Variants in FHIT observed in about 807,000 individuals in gnomAD.
FHIT encodes the protein fragile histidine triad diadenosine triphosphatase.
FHIT carries 19 observed loss-of-function variants against 17.9 expected under a neutral mutation model. The ratio of observed to expected loss-of-function variants is 1.06; its 90% CI spans 0.74 to 1.56. The LOEUF is 1.56. Among genes scored for constraint, FHIT ranks in the 40% most tolerant of loss-of-function variants. The pLI is 0.00. For missense variants in FHIT, 248 were observed against 189.2 expected (o/e 1.31, Z -1.82); for synonymous variants, 81 against 69.7 (o/e 1.16, Z -0.81).
chr3:60,713,049 T>C (rs1401297585), intron 4 of FHIT, among the ~76,000 whole-genome samples: 1 of 151,714 alleles, frequency 6.6e-6, no homozygotes, highest in Non-Finnish European at 1.5e-5. Context: ...TCAACAAACG[T>C]AAAAGAAGAG....
intron 1 of FHIT, among the ~76,000 whole-genome samples, chr3:61,209,525 A>C (rs1560076869): frequency 6.6e-6 from 1 of 151,196 alleles, no homozygotes. Flanking sequence ...TCTTTTTATT[A>C]TTTTTTTTCT....
chr3:59,893,403 T>C (rs1349541919), intron 8 of FHIT, among the ~76,000 whole-genome samples: 3 of 152,178 alleles, frequency 2.0e-5, no homozygotes, highest in Non-Finnish European at 4.4e-5. Context: ...GAAAAGAATA[T>C]AACATGAACT....
At chr3:60,145,072 C>G (rs148455114) in intron 5 of FHIT, among the ~76,000 whole-genome samples, 1 of 152,130 alleles carries the variant, frequency 6.6e-6, no homozygotes. Flanking sequence ...TGACCTAAAT[C>G]CCTCAGTATT....
At chr3:59,848,735 T>A (rs909967048) in intron 8 of FHIT, among the ~76,000 whole-genome samples, 2 of 152,200 alleles carry the variant, frequency 1.3e-5, no homozygotes, top group Admixed American at 1.3e-4. Flanking sequence ...ACTTAGATTG[T>A]CTGAGGAACC....
rs371497533 is a variant in FHIT at position 60,639,580 on chromosome 3, A to C, written c.-17-102601T>G. On this transcript the variant is annotated intron_variant, in intron 4 of 9. Transcript: ENST00000492590. ...AACTAGAAATAGACCACAGAATTTG[A>C]AAAATATCATTTCTGGATTAAATCA... 1.9e-4 allele frequency among the ~76,000 whole-genome samples: 29 copies of C among 152,278 alleles called. No individual in the cohort carries two copies. The South Asian group carries it at 4.8e-3, about 25-fold the overall frequency.
At chr3:60,943,118 G>C (rs1708490076) in intron 3 of FHIT, among the ~76,000 whole-genome samples, 1 of 152,152 alleles carries the variant, frequency 6.6e-6, no homozygotes, top group East Asian at 1.9e-4. Context: ...ATTTGTCCAA[G>C]CTAACCGGTT....
chr3:59,934,971 T>A (rs11719244), intron 7 of FHIT, among the ~76,000 whole-genome samples: 20 of 152,116 alleles, frequency 1.3e-4, no homozygotes, highest in South Asian at 6.2e-4. Context: ...TCTAGAGAAG[T>A]TGACAAACCT....
At chr3:59,972,130 G>C (rs1286573118) in intron 7 of FHIT, among the ~76,000 whole-genome samples, 1 of 152,094 alleles carries the variant, frequency 6.6e-6, no homozygotes, top group Non-Finnish European at 1.5e-5. Flanking sequence ...GATGGCACTA[G>C]TGTCCTAGTG....
intron 2 of FHIT, among the ~76,000 whole-genome samples, chr3:61,045,805 C>T (rs955560402): frequency 4.6e-5 from 7 of 152,148 alleles, no homozygotes; most frequent in African/African-American, 1.7e-4. Context: ...GACCACAGTG[C>T]AAGCAAACTA....
chr3:59,791,777 G>A (rs2629878), intron 8 of FHIT, among the ~76,000 whole-genome samples: 103,854 of 151,910 alleles, frequency 0.68, 36,957 homozygotes, highest in Middle Eastern at 0.81. Context: ...TTTTGGGGAT[G>A]ACCCTGTCAA....
intron 1 of FHIT, among the ~76,000 whole-genome samples, chr3:61,249,716 T>C (rs1259309072): frequency 1.3e-5 from 2 of 152,178 alleles, no homozygotes; most frequent in Non-Finnish European, 2.9e-5. Context: ...ATATATTTTA[T>C]TGAATATATA....
chr3:60,616,046 C>A (rs1461297560), intron 4 of FHIT, among the ~76,000 whole-genome samples: 6 of 152,180 alleles, frequency 3.9e-5, no homozygotes, highest in Non-Finnish European at 7.4e-5. Context: ...GTTATTAACA[C>A]CCTTGTCAGT....
chr3:60,075,446 CA>C (rs1702962365), intron 5 of FHIT, among the ~76,000 whole-genome samples: 1 of 152,080 alleles, frequency 6.6e-6, no homozygotes, highest in African/African-American at 2.4e-5. Flanking sequence ...AAAAATAATA[CA>C]ATAGAACTCC....
chr3:60,522,716 A>C (rs2107569159), intron 5 of FHIT, among the ~76,000 whole-genome samples: 1 of 152,326 alleles, frequency 6.6e-6, no homozygotes, highest in Non-Finnish European at 1.5e-5. Context: ...TTGAGGAAGA[A>C]TTCACAGAAA....
chr3:61,235,544 T>C (rs928171093), intron 1 of FHIT, among the ~76,000 whole-genome samples: 2 of 152,110 alleles, frequency 1.3e-5, no homozygotes, highest in African/African-American at 4.8e-5. Context: ...AGAACCCATG[T>C]TGGAAAAATT....
At chr3:59,937,418 C>A (rs957493180) in intron 7 of FHIT, among the ~76,000 whole-genome samples, 8 of 152,130 alleles carry the variant, frequency 5.3e-5, no homozygotes, top group Non-Finnish European at 8.8e-5. Flanking sequence ...CACTTCATGA[C>A]ATGTCAGCGT....
At chr3:60,437,036 T>A (rs752061219) in intron 5 of FHIT, among the ~76,000 whole-genome samples, 2 of 152,118 alleles carry the variant, frequency 1.3e-5, no homozygotes, top group Non-Finnish European at 2.9e-5. Context: ...ACTTTCCTAT[T>A]TGATTTGATT....
At chr3:60,921,360 T>G (rs1707269565) in intron 3 of FHIT, among the ~76,000 whole-genome samples, 1 of 152,144 alleles carries the variant, frequency 6.6e-6, no homozygotes, top group Non-Finnish European at 1.5e-5. Context: ...ACTTTTTTAT[T>G]GTAAATAAGG....
At chr3:59,820,090 A>G (rs1455793029) in intron 8 of FHIT, among the ~76,000 whole-genome samples, 1 of 152,192 alleles carries the variant, frequency 6.6e-6, no homozygotes, top group African/African-American at 2.4e-5. Flanking sequence ...TCTTTTTTAA[A>G]TTACCCAGGC....
Sources: gnomAD v4.1 joint callset for allele counts (sites outside exome capture counted in the v4.1 genomes callset) on GRCh38, gnomAD v4.1.1 for gene constraint, MANE v1.5 for transcripts, NCBI Gene and HGNC (gene_info 2026-07-23, HGNC 2026-07-21) for gene names.